GUCY2F: variants seen among roughly 807,000 people sequenced by gnomAD.
GUCY2F encodes retinal guanylyl cyclase 2.
Under a neutral mutation model 73.1 loss-of-function variants are expected in GUCY2F, and 61 were observed. The ratio of observed to expected loss-of-function variants is 0.83; its 90% CI spans 0.68 to 1.03. The LOEUF is 1.03. Among genes scored for constraint, GUCY2F ranks in the 50% least tolerant of loss-of-function variants. GUCY2F has a pLI of 0.00. For missense variants in GUCY2F, 912 were observed against 854.3 expected, an observed-to-expected ratio of 1.07 and a Z score of -0.84; for synonymous variants, 331 against 307.8, an observed-to-expected ratio of 1.08 and a Z score of -0.79.
At position 109,452,011 on chromosome X, in the gene GUCY2F, C is replaced by CA. The variant is rs770342836; in HGVS notation, c.1472+11dup. 1.8e-5 allele frequency: 15 copies of CA among 852,577 alleles called. No individual in the cohort carries two copies. In the South Asian group the frequency reaches 2.5e-4, roughly 14 times the overall value. The allele number at this position is 852,577 out of a possible 1,213,427, so 70.3% of individuals were successfully genotyped here. A position where few individuals can be genotyped will look rare whatever the true frequency, so the allele number is the denominator to read the frequency against. ...TTGTATTTTTTATATACAAAAATAACAAAAAATGTACCTTATAAAGTAAGC... is the reference window on the plus strand; with the variant it reads ...TTGTATTTTTTATATACAAAAATAACAAAAAAATGTACCTTATAAAGTAAGC... On this transcript the variant is annotated intron_variant, in intron 5 of 19. Transcript: ENST00000218006.
At chrX:109,432,503 G>C (rs897174287) in intron 7 of GUCY2F, among the ~76,000 whole-genome samples, 2 of 112,121 alleles carry the variant, frequency 1.8e-5, no homozygotes, top group Non-Finnish European at 3.8e-5. Context: ...AAGCCTTCCC[G>C]GCACCTTTGC....
At chrX:109,441,853 T>G (rs926428084) in intron 6 of GUCY2F, among the ~76,000 whole-genome samples, 4 of 111,634 alleles carry the variant, frequency 3.6e-5, no homozygotes, top group Non-Finnish European at 5.7e-5. Flanking sequence ...GCTAGTCAAT[T>G]ATTTAGTTAC....
chrX:109,435,772 G>C (rs1271652235), intron 7 of GUCY2F, among the ~76,000 whole-genome samples: 1 of 111,494 alleles, frequency 9.0e-6, no homozygotes, highest in Admixed American at 9.5e-5. Flanking sequence ...GTTTGTCATA[G>C]ATAGCTCTTA....
At chrX:109,406,530 C>T (rs1019712778) in intron 9 of GUCY2F, among the ~76,000 whole-genome samples, 2 of 111,418 alleles carry the variant, frequency 1.8e-5, no homozygotes, top group African/African-American at 6.5e-5. Context: ...ACAGGCAAAC[C>T]TTTTCCATAT....
Position 109,376,075 on chromosome X carries a change from T to C in GUCY2F, c.3239+4A>G. The C allele has an allele frequency of 1.7e-6, 2 of 1,185,472 alleles. No individual in the cohort carries two copies. The highest frequency in any genetic ancestry group is 1.1e-6 in the Non-Finnish European group (1 of 871,410). On this transcript the variant is annotated splice_donor_region_variant and intron_variant, in intron 18 of 19. Transcript: ENST00000218006. ...GACTCCAATTAAATGTGAACTCCAC[T>C]TACCCATCTTTGTCCACTGGTGGGG...
intron 7 of GUCY2F, among the ~76,000 whole-genome samples, chrX:109,437,330 T>C (rs904149938): frequency 8.9e-6 from 1 of 112,556 alleles, no homozygotes; most frequent in African/African-American, 3.2e-5. Flanking sequence ...CATTTAGAAA[T>C]ACTCATGATC....
At chrX:109,376,862 C>A in intron 17 of GUCY2F, among the ~76,000 whole-genome samples, 1 of 111,960 alleles carries the variant, frequency 8.9e-6, no homozygotes, top group East Asian at 2.8e-4. Flanking sequence ...AGTAAACTTT[C>A]CTCTCAATGT....
In GUCY2F at chrX:109,392,033, A is replaced by G; in HGVS notation, c.2659T>C (p.Phe887Leu). 8.3e-7 allele frequency: 1 copy of G among 1,208,900 alleles called. No individual in the cohort carries two copies. The highest frequency in any genetic ancestry group is 1.1e-6 in the Non-Finnish European group (1 of 893,183). ...PEGFDLVTLY[F>L]SDIVGFTTIS... Reference sequence around the variant, plus strand: ...GTTGTGAAGCCCACAATGTCGCTGAAGTACAAGGTGACCAAGTCAAAGCCC... The same window carrying G: ...GTTGTGAAGCCCACAATGTCGCTGAGGTACAAGGTGACCAAGTCAAAGCCC... Residue 887 changes from phenylalanine (F) to leucine (L), a missense_variant, in exon 14 of 20, where the codon TTC becomes CTC. By Grantham distance (22) the Phe-to-Leu change is conservative. Transcript: ENST00000218006.
intron 11 of GUCY2F, among the ~76,000 whole-genome samples, 191 bp from the exon 12 acceptor site, chrX:109,395,680 G>A (rs189058141): frequency 2.7e-5 from 3 of 112,111 alleles, no homozygotes; most frequent in African/African-American, 9.7e-5. Flanking sequence ...AGGCAATGGG[G>A]GAGGAGTGAG....
chrX:109,465,174 C>T lies in GUCY2F; in HGVS notation c.1000G>A (p.Gly334Ser), dbSNP rs1400044743. ...YQAFTEAAAR[G>S]EIPEKLEFDQ... is the part of the protein sequence containing the mutation. ...AACTCCAGCTTCTCAGGAATTTCAC[C>T]TCTTGCTGCTGCCTCTGTGAAGGCT... The change falls in exon 3 of 20, where the codon GGT (glycine) becomes AGT (serine). Residue 334 changes from glycine (G) to serine (S), a missense_variant. Gly to Ser is a moderately conservative substitution (Grantham distance 56). Transcript: ENST00000218006. 3.3e-6 allele frequency: 4 copies of T among 1,208,182 alleles called. No homozygotes were observed. In the South Asian group the frequency reaches 5.3e-5, roughly 16 times the overall value.
intron 8 of GUCY2F, among the ~76,000 whole-genome samples, chrX:109,410,555 A>T (rs1345045661): frequency 8.9e-6 from 1 of 112,594 alleles, no homozygotes; most frequent in East Asian, 2.8e-4. Flanking sequence ...TGTTCACAAC[A>T]TCCAAGACAC....
chrX:109,396,349 G>GAA (rs142080328), intron 11 of GUCY2F, among the ~76,000 whole-genome samples: 6 of 101,690 alleles, frequency 5.9e-5, no homozygotes, highest in African/African-American at 1.1e-4. Flanking sequence ...CTGGCAGCAG[G>GAA]AAAAAAAAAA....
Position 109,385,227 on chromosome X carries a change from T to C in GUCY2F, c.3012A>G (p.Gly1004=). ...TCCGAGAAGCTGTGTTCACAGTGTC[T>C]CCAAACAAGCAGTATCTGGGCATGG... ...GLTMPRYCLF[G]DTVNTASRME... The change falls in exon 16 of 20, where the codon GGA becomes GGG. Residue 1004 remains glycine (G), a synonymous_variant. Coordinates refer to ENST00000218006, the MANE Select transcript of GUCY2F (RefSeq NM_001522.3). 2 of 1,196,000 alleles carry C rather than the reference T, an allele frequency of 1.7e-6. No individual in the cohort carries two copies. The highest frequency in any genetic ancestry group is 2.3e-6 in the Non-Finnish European group (2 of 882,608).
intron 3 of GUCY2F, among the ~76,000 whole-genome samples, chrX:109,460,961 G>A (rs967617839): frequency 4.5e-5 from 5 of 111,066 alleles, no homozygotes; most frequent in Admixed American, 3.8e-4. Context: ...TATTAACCCC[G>A]GTAAAAATGA....
chrX:109,453,367 G>A (rs980616660), intron 4 of GUCY2F, 138 bp downstream of exon 4: 16 of 421,789 alleles, frequency 3.8e-5, no homozygotes, highest in Non-Finnish European at 5.3e-5. Flanking sequence ...TAGATAGAGT[G>A]CCAAGAAGTG....
At position 109,453,653 on chromosome X, in the gene GUCY2F, C is replaced by T. The variant is rs1204022734; in HGVS notation, c.1239G>A (p.Leu413=). The stretch of plus-strand genomic sequence containing the variant: ...AGGTGCTATGGAGTTCCCATTCTTT[C>T]AAGTTGGTGTCCAGGATTACATATT... ...ISEYVILDTN[L]KEWELHSTYT... The change falls in exon 4 of 20, where the codon TTG becomes TTA. Residue 413 remains leucine, a synonymous_variant. Transcript: ENST00000218006. 8.3e-7 allele frequency: 1 copy of T among 1,203,252 alleles called. No individual in the cohort carries two copies. Among genetic ancestry groups the T allele is most frequent in the South Asian group, 1.8e-5 (1 of 56,791 alleles).
chrX:109,451,986 T>C (rs1326243182), intron 5 of GUCY2F, 37 bp downstream of exon 5: 1 of 699,602 alleles, frequency 1.4e-6, no homozygotes, highest in South Asian at 2.2e-5. Context: ...TAATATGGGC[T>C]TGTATTTTTT....
intron 6 of GUCY2F, among the ~76,000 whole-genome samples, chrX:109,444,411 T>C (rs759809576): frequency 1.8e-5 from 2 of 112,111 alleles, no homozygotes; most frequent in Admixed American, 9.5e-5. Context: ...AGACAACAAT[T>C]AATTCTCAAA....
At chrX:109,392,179 C>G in intron 13 of GUCY2F, 76 bp from the exon 14 acceptor site, 1 of 674,409 alleles carries the variant, frequency 1.5e-6, no homozygotes, top group Non-Finnish European at 2.2e-6. Context: ...AAAAATACAC[C>G]AAATAAACCT....
Sources: gnomAD v4.1 joint callset for allele counts (sites outside exome capture counted in the v4.1 genomes callset) on GRCh38, gnomAD v4.1.1 for gene constraint, MANE v1.5 for transcripts, NCBI Gene and HGNC (gene_info 2026-07-23, HGNC 2026-07-21) for gene names.